SLC6A3: variants seen among roughly 807,000 people sequenced by gnomAD.
The protein encoded by SLC6A3 is solute carrier family 6 member 3.
A neutral mutation model predicts 70.4 loss-of-function variants in SLC6A3; 19 were observed. The ratio of observed to expected loss-of-function variants is 0.27; its 90% CI spans 0.19 to 0.40. The LOEUF (loss-of-function observed/expected upper bound fraction) is 0.40, where lower values mean the gene tolerates loss of function less well. SLC6A3 is among the 10% of genes least tolerant of loss of function. The pLI, the probability that SLC6A3 is intolerant of heterozygous loss-of-function variation, is 1.00. For missense variants in SLC6A3, 613 were observed against 838.5 expected, an observed-to-expected ratio of 0.73 and a Z score of 3.32; for synonymous variants, 368 against 356.6, an observed-to-expected ratio of 1.03 and a Z score of -0.36.
At chr5:1,435,379 G>T (rs1756805423) in intron 3 of SLC6A3, among the ~76,000 whole-genome samples, 8 of 152,228 alleles carry the variant, frequency 5.3e-5, no homozygotes, top group Admixed American at 4.6e-4. Flanking sequence ...CAAGTCCTTA[G>T]CTTGAAACCC....
intron 4 of SLC6A3, among the ~76,000 whole-genome samples, chr5:1,428,250 A>C (rs144422008): frequency 1.3e-5 from 2 of 152,372 alleles, no homozygotes; most frequent in African/African-American, 4.8e-5. Flanking sequence ...ATGCCCTGTT[A>C]GTCAAATAGA....
rs962559079 is a variant in SLC6A3 at position 1,393,930 on chromosome 5, G to T, written c.*805C>A. ...TGTGGGGGCCCTGCATGCGTCCGGG[G>T]ATAGGACACGCTCCTGTGGGGGCCC... is the stretch of plus-strand genomic sequence containing the variant. On this transcript the variant is annotated 3_prime_UTR_variant, in exon 15 of 15. Transcript: ENST00000270349. 12 of 154,274 alleles carry T rather than the reference G, an allele frequency of 7.8e-5. No homozygotes were observed. Among genetic ancestry groups the T allele is most frequent in the Admixed American group, 4.6e-4 (7 of 15,190 alleles). 9.6% of individuals were successfully genotyped at this position (154,274 alleles called of 1,614,324 possible). A position where few individuals can be genotyped will look rare whatever the true frequency, so the allele number is the denominator to read the frequency against.
intron 8 of SLC6A3, among the ~76,000 whole-genome samples, chr5:1,412,639 T>G (rs1432346246): frequency 6.6e-6 from 1 of 152,178 alleles, no homozygotes; most frequent in Non-Finnish European, 1.5e-5. Context: ...CAATTGACCT[T>G]TGACCAGTTC....
intron 4 of SLC6A3, among the ~76,000 whole-genome samples, chr5:1,422,869 T>C (rs374309839): frequency 0.024 from 488 of 19,952 alleles, 48 homozygotes; most frequent in Middle Eastern, 0.077. Context: ...GTGCTGCCCA[T>C]GGTGCTGGGT....
At position 1,435,081 on chromosome 5, in the gene SLC6A3, C is replaced by T. The variant is rs188036830; in HGVS notation, c.419-2383G>A. On this transcript the variant is annotated intron_variant, in intron 3 of 14. Coordinates refer to ENST00000270349, the MANE Select transcript of SLC6A3 (RefSeq NM_001044.5). ...AAGCCTTCTCCCATATGGATCTGGT[C>T]CATATTAAATAATTCTGTATTGCAG... Among the ~76,000 whole-genome samples, 14 of 152,264 alleles carry T rather than the reference C, an allele frequency of 9.2e-5. No homozygotes were observed. In the East Asian group the frequency reaches 2.7e-3, roughly 29 times the overall value.
chr5:1,401,404 G>GC lies in SLC6A3; in HGVS notation c.1768-419dup. The GC allele has an allele frequency of 2.5e-6, 1 of 402,920 alleles. No individual in the cohort carries two copies. The highest frequency in any genetic ancestry group is 1.9e-5 in the South Asian group (1 of 52,576). The allele number at this position is 402,920 out of a possible 1,614,324, so 25.0% of individuals were successfully genotyped here. On this transcript the variant is annotated intron_variant, in intron 13 of 14. Transcript: ENST00000270349. This position sits in a 1 kb window ranked among gnomAD's most constrained non-coding sequence, Gnocchi z 6.1. The stretch of plus-strand genomic sequence containing the variant: ...CAGCTGACATATTCCGGGAGCACTT[G>GC]CTTTTTGTCACCTGCAGCTCTTGGG...
In SLC6A3 at chr5:1,443,064, G is replaced by A; in HGVS notation, c.134C>T (p.Ser45Phe). 6.2e-7 allele frequency: 1 copy of A among 1,614,226 alleles called. No individual in the cohort carries two copies. The stretch of plus-strand genomic sequence containing the variant: ...GCTCTGCCGCGGGTTGGTGAGGGTG[G>A]AGCTGGTGAGCTGCACTCCGTTCTG... The part of the protein sequence containing the change: ...KEQNGVQLTS[S>F]TLTNPRQSPV... Residue 45 changes from serine (S) to phenylalanine (F), a missense_variant, in exon 2 of 15, where the codon TCC becomes TTC. By Grantham distance (155) the Ser-to-Phe change is radical (BLOSUM62 -2). Transcript: ENST00000270349.
chr5:1,411,100 C>T lies in SLC6A3; in HGVS notation c.1269+143G>A, dbSNP rs1378473688. 1.9e-5 allele frequency: 13 copies of T among 692,470 alleles called. No homozygotes were observed. The highest frequency in any genetic ancestry group is 2.7e-5 in the East Asian group (1 of 36,918). The allele number at this position is 692,470 out of a possible 1,614,324, so 42.9% of individuals were successfully genotyped here. On this transcript the variant is annotated intron_variant, in intron 9 of 14. Transcript: ENST00000270349. This position sits in a 1 kb window ranked among gnomAD's most constrained non-coding sequence, Gnocchi z 6.5. ...CCGAGAAAGGTCTCCCAAATAATCA[C>T]GGGGCTCGCCCAAGTCAAGGACAGG...
At position 1,413,669 on chromosome 5, in the gene SLC6A3, G is replaced by GC. The variant is rs1052522380; in HGVS notation, c.1156+1021dup. On this transcript the variant is annotated intron_variant, in intron 8 of 14. Transcript: ENST00000270349. The surrounding 1 kb of genome is among the most constrained non-coding windows in gnomAD (Gnocchi z 7.1). The stretch of plus-strand genomic sequence containing the variant: ...CAGCATGGGAGCCCACCCAACCCAG[G>GC]CCCGTGTCTGGAGCGAAAGGGCCTC... Among the ~76,000 whole-genome samples the GC allele has an allele frequency of 1.4e-4, 21 of 152,154 alleles. No individual in the cohort carries two copies. Among genetic ancestry groups the GC allele is most frequent in the Non-Finnish European group, 2.8e-4 (19 of 68,014 alleles).
intron 11 of SLC6A3, among the ~76,000 whole-genome samples, chr5:1,407,169 GGT>G (rs1756002910): frequency 6.6e-6 from 1 of 152,302 alleles, no homozygotes; most frequent in African/African-American, 2.4e-5. Context: ...CCTTAAGAGT[GGT>G]TTCTCCCCCC....
At position 1,406,694 on chromosome 5, in the gene SLC6A3, CAT is replaced by C. The variant is rs1755989635; in HGVS notation, c.1499-408_1499-407del. ...TTTAGCCATTTTTACGTGTAGAGTTCATAATGTATCAATACATTCACATACTG... is the reference window on the plus strand; with the variant it reads ...TTTAGCCATTTTTACGTGTAGAGTTCAATGTATCAATACATTCACATACTG... On this transcript the variant is annotated intron_variant, in intron 11 of 14. Coordinates refer to ENST00000270349, the MANE Select transcript of SLC6A3 (RefSeq NM_001044.5). This position sits in a 1 kb window ranked among gnomAD's most constrained non-coding sequence, Gnocchi z 8.8. Among the ~76,000 whole-genome samples the C allele has an allele frequency of 6.7e-6, 1 of 149,804 alleles. No homozygotes were observed. Among genetic ancestry groups the C allele is most frequent in the Non-Finnish European group, 1.5e-5 (1 of 66,328 alleles).
chr5:1,443,390 A>G, intron 1 of SLC6A3, 148 bp from the exon 2 acceptor site: 2 of 692,006 alleles, frequency 2.9e-6, no homozygotes, highest in Admixed American at 2.1e-5. Flanking sequence ...AGCGCCTGAG[A>G]TGGTACAGCT....
chr5:1,425,431 C>A (rs1756555725), intron 4 of SLC6A3, among the ~76,000 whole-genome samples: 1 of 152,224 alleles, frequency 6.6e-6, no homozygotes, highest in Admixed American at 6.5e-5. Flanking sequence ...CCAAGTCTAG[C>A]ATCTAATAAA....
In SLC6A3 at chr5:1,443,219, AT is replaced by A; in HGVS notation, c.-23del. The A allele has an allele frequency of 6.2e-7, 1 of 1,613,616 alleles. No homozygotes were observed. The highest frequency in any genetic ancestry group is 1.1e-5 in the South Asian group (1 of 91,080). ...TCATGGGCACACTGGGAGTTGAGGA[AT>A]TCTGTGCTTCTTCCCTCTTGGTCTT... On this transcript the variant is annotated 5_prime_UTR_variant, in exon 2 of 15. Transcript: ENST00000270349.
chr5:1,431,166 G>A (rs866996906), intron 4 of SLC6A3, among the ~76,000 whole-genome samples: 100 of 152,366 alleles, frequency 6.6e-4, no homozygotes, highest in South Asian at 1.7e-3. Context: ...AGGGCAGGAA[G>A]ATGTGGATGG....
rs565011144 is a variant in SLC6A3 at position 1,438,054 on chromosome 5, G to C, written c.418+3305C>G. On this transcript the variant is annotated intron_variant, in intron 3 of 14. Coordinates refer to ENST00000270349, the MANE Select transcript of SLC6A3 (RefSeq NM_001044.5). This position sits in a 1 kb window ranked among gnomAD's most constrained non-coding sequence, Gnocchi z 6.5. ...CGCTTGACAGGTAGGCAGAACAAAC[G>C]GGACGCTGGCACCGGAACCTGCAGC... is the stretch of plus-strand genomic sequence containing the variant. Among the ~76,000 whole-genome samples, 1 of 152,204 alleles carries C rather than the reference G, an allele frequency of 6.6e-6. No homozygotes were observed. The highest frequency in any genetic ancestry group is 1.5e-5 in the Non-Finnish European group (1 of 68,030).
In SLC6A3 at chr5:1,435,025, G is replaced by C. The variant is rs143355715; in HGVS notation, c.419-2327C>G. Among the ~76,000 whole-genome samples the C allele has an allele frequency of 6.3e-3, 955 of 152,244 alleles. 14 individuals are homozygous for C. The highest frequency in any genetic ancestry group is 0.021 in the African/African-American group (860 of 41,542). ...GATCTGGTCCATATTAAATAATTCT[G>C]TATTGCAGTCTGTCATGGATTGCCT... On this transcript the variant is annotated intron_variant, in intron 3 of 14. Transcript: ENST00000270349.
intron 3 of SLC6A3, among the ~76,000 whole-genome samples, chr5:1,439,352 G>A (rs2550958): frequency 6.6e-6 from 1 of 151,300 alleles, no homozygotes; most frequent in South Asian, 2.1e-4. Context: ...GGGGAGGGAG[G>A]CCTCTTTTTG....
intron 14 of SLC6A3, among the ~76,000 whole-genome samples, chr5:1,399,389 T>G (rs1280928397): frequency 6.6e-6 from 1 of 152,168 alleles, no homozygotes; most frequent in Non-Finnish European, 1.5e-5. Flanking sequence ...GGATGCAAAT[T>G]AATAACCTAA....
Sources: allele counts gnomAD v4.1 joint callset (sites outside exome capture counted in the v4.1 genomes callset), GRCh38; gene constraint gnomAD v4.1.1; non-coding constraint Gnocchi (gnomAD v3.1); transcripts MANE v1.5; gene names NCBI Gene and HGNC (gene_info 2026-07-23, HGNC 2026-07-21).